Variants in HECA observed in about 807,000 individuals in gnomAD.
HECA encodes headcase protein homolog.
A neutral mutation model predicts 37.6 loss-of-function variants in HECA; 13 were observed. That is an observed-to-expected ratio of 0.35 (90% CI 0.23 to 0.55). HECA has a LOEUF of 0.55. Ranked by LOEUF, HECA falls within the 20% of genes least tolerant of loss-of-function variation. The probability of loss-of-function intolerance (pLI) is 0.90; values close to 1 mark genes in which losing one functional copy is unlikely to be tolerated. For synonymous variants in HECA, 307 were observed against 291.5 expected (o/e 1.05, Z -0.54); for missense variants, 527 against 701.9 (o/e 0.75, Z 2.82).
In HECA at chr6:139,179,708, T is replaced by A. The variant is rs912815690; in HGVS notation, c.*2603T>A. 6.6e-6 allele frequency: 1 copy of A among 152,190 alleles called. No homozygotes were observed. Among genetic ancestry groups the A allele is most frequent in the Non-Finnish European group, 1.5e-5 (1 of 68,026 alleles). 9.4% of individuals were successfully genotyped at this position (152,190 alleles called of 1,614,324 possible). ...ATCTTATTTTGGAAATCTACTGACC[T>A]TAATACCCCAAGCTTGCCCTGAATA... On this transcript the variant is annotated 3_prime_UTR_variant, in exon 4 of 4. Coordinates refer to ENST00000367658, the MANE Select transcript of HECA (RefSeq NM_016217.3).
At chr6:139,139,245 C>G (rs935560295) in intron 1 of HECA, among the ~76,000 whole-genome samples, 7 of 152,182 alleles carry the variant, frequency 4.6e-5, no homozygotes, top group East Asian at 1.9e-4. Flanking sequence ...CAAATCCTGG[C>G]TTCTCAAATT....
chr6:139,168,104 CCAGA>C (rs1376068377), intron 2 of HECA, among the ~76,000 whole-genome samples: 2 of 152,096 alleles, frequency 1.3e-5, no homozygotes, highest in African/African-American at 4.8e-5. Flanking sequence ...GTGTCAGTAC[CCAGA>C]CAAACATTTT....
chr6:139,136,060 A>G (rs1484031371), intron 1 of HECA, among the ~76,000 whole-genome samples: 1 of 152,014 alleles, frequency 6.6e-6, no homozygotes, highest in African/African-American at 2.4e-5. Context: ...GCACCGGTTA[A>G]TTCTTCCCGG....
chr6:139,154,992 G>A lies in HECA; in HGVS notation c.272-11292G>A, dbSNP rs563220464. Among the ~76,000 whole-genome samples, 229 of 152,270 alleles carry A rather than the reference G, an allele frequency of 1.5e-3. 7 individuals carry two copies. The South Asian group carries it at 0.042, about 28-fold the overall frequency. On this transcript the variant is annotated intron_variant, in intron 1 of 3. Transcript: ENST00000367658. The stretch of plus-strand genomic sequence containing the variant: ...TAACAACTGGTTGGACAGTTTCTCC[G>A]CAGTTGTATATATACAGTCATGCAT...
Position 139,166,214 on chromosome 6 carries a change from G to A in HECA, c.272-70G>A, listed in dbSNP as rs1379480638. 6 of 1,239,506 alleles carry A rather than the reference G, an allele frequency of 4.8e-6. No individual in the cohort carries two copies. The South Asian group carries it at 7.2e-5, about 15-fold the overall frequency. The allele number at this position is 1,239,506 out of a possible 1,614,324, so 76.8% of individuals were successfully genotyped here. A position where few individuals can be genotyped will look rare whatever the true frequency, so the allele number is the denominator to read the frequency against. On this transcript the variant is annotated intron_variant, in intron 1 of 3. Coordinates refer to ENST00000367658, the MANE Select transcript of HECA (RefSeq NM_016217.3). ...TCTTAGAAAAACCTTATACCATACT[G>A]TTGCAAGTACAGGTTGAGTACCCCT... is the stretch of plus-strand genomic sequence containing the variant.
intron 1 of HECA, among the ~76,000 whole-genome samples, chr6:139,143,761 T>C (rs1304027745): frequency 6.6e-6 from 1 of 151,082 alleles, no homozygotes; most frequent in Non-Finnish European, 1.5e-5. Flanking sequence ...CTCGGGAGGC[T>C]GAGGCAGGAG....
intron 1 of HECA, among the ~76,000 whole-genome samples, chr6:139,143,716 C>T (rs946340429): frequency 3.3e-5 from 5 of 151,970 alleles, no homozygotes; most frequent in African/African-American, 1.2e-4. Flanking sequence ...GAATAATTAG[C>T]TGGATGTGGT....
At position 139,178,274 on chromosome 6, in the gene HECA, G is replaced by A. The variant is rs1193006983; in HGVS notation, c.*1169G>A. ...CATATATATAGAACTTGATTAGTCAGAGCATTGGGCATTCCAAAATACAGC... is the reference window on the plus strand; with the variant it reads ...CATATATATAGAACTTGATTAGTCAAAGCATTGGGCATTCCAAAATACAGC... On this transcript the variant is annotated 3_prime_UTR_variant, in exon 4 of 4. Transcript: ENST00000367658. 1 of 152,222 alleles carries A rather than the reference G, an allele frequency of 6.6e-6. No individual in the cohort carries two copies. The highest frequency in any genetic ancestry group is 1.5e-5 in the Non-Finnish European group (1 of 68,028). 9.4% of individuals were successfully genotyped at this position (152,222 alleles called of 1,614,324 possible).
chr6:139,158,197 A>T (rs967964208), intron 1 of HECA, among the ~76,000 whole-genome samples: 39 of 151,742 alleles, frequency 2.6e-4, no homozygotes, highest in African/African-American at 8.2e-4. Flanking sequence ...CCTCTACAAA[A>T]TTTTTTTATA....
At chr6:139,136,202 T>C (rs1238710398) in intron 1 of HECA, among the ~76,000 whole-genome samples, 3 of 151,118 alleles carry the variant, frequency 2.0e-5, no homozygotes, top group African/African-American at 4.9e-5. Context: ...GTTTGCTCTT[T>C]AATTTTTTGG....
At chr6:139,142,354 G>A (rs1774524094) in intron 1 of HECA, among the ~76,000 whole-genome samples, 3 of 152,136 alleles carry the variant, frequency 2.0e-5, no homozygotes, top group African/African-American at 7.2e-5. Context: ...TTCTTCCTGT[G>A]GACTTGCTAT....
intron 1 of HECA, among the ~76,000 whole-genome samples, chr6:139,136,727 C>G (rs1475474323): frequency 3.3e-5 from 5 of 151,904 alleles, no homozygotes; most frequent in Admixed American, 3.3e-4. Context: ...CACCGTCTTC[C>G]GGTCTGAAGC....
intron 1 of HECA, among the ~76,000 whole-genome samples, chr6:139,149,612 T>A (rs1386736522): frequency 6.6e-6 from 1 of 152,206 alleles, no homozygotes; most frequent in African/African-American, 2.4e-5. Flanking sequence ...TCCAAATCTG[T>A]ATTCTGCTGC....
At chr6:139,142,335 T>G (rs1299693468) in intron 1 of HECA, among the ~76,000 whole-genome samples, 1 of 152,184 alleles carries the variant, frequency 6.6e-6, no homozygotes, top group African/African-American at 2.4e-5. Flanking sequence ...AGCATGTACT[T>G]AGGAAAAATT....
intron 1 of HECA, among the ~76,000 whole-genome samples, chr6:139,162,382 C>G (rs1774817387): frequency 6.6e-6 from 1 of 152,084 alleles, no homozygotes; most frequent in Non-Finnish European, 1.5e-5. Flanking sequence ...TCTTCTGAAC[C>G]ATTTAAGGTA....
intron 1 of HECA, among the ~76,000 whole-genome samples, chr6:139,140,239 G>C (rs971409014): frequency 2.0e-5 from 3 of 152,180 alleles, no homozygotes; most frequent in Non-Finnish European, 4.4e-5. Context: ...ATGTTTGCTT[G>C]CTGTTTATTT....
Position 139,180,269 on chromosome 6 carries a change from C to G in HECA, c.*3164C>G, listed in dbSNP as rs1353014465. The G allele has an allele frequency of 6.6e-6, 1 of 152,344 alleles. No homozygotes were observed. The highest frequency in any genetic ancestry group is 1.5e-5 in the Non-Finnish European group (1 of 68,036). 9.4% of individuals were successfully genotyped at this position (152,344 alleles called of 1,614,324 possible). A position where few individuals can be genotyped will look rare whatever the true frequency, so the allele number is the denominator to read the frequency against. ...AAGAATCTTATTAGGTATTTGAACT[C>G]TAAAACTAACAGATAAGACAGATAT... is the stretch of plus-strand genomic sequence containing the variant. On this transcript the variant is annotated 3_prime_UTR_variant, in exon 4 of 4. Coordinates refer to ENST00000367658, the MANE Select transcript of HECA (RefSeq NM_016217.3).
chr6:139,157,959 GCCACTT>G (rs1422518600), intron 1 of HECA, among the ~76,000 whole-genome samples: 1 of 152,200 alleles, frequency 6.6e-6, no homozygotes. Context: ...AGGATGGATG[GCCACTT>G]CCTGGTTGTG....
intron 1 of HECA, chr6:139,144,250 G>C (rs953860158): frequency 6.6e-6 from 1 of 152,126 alleles, no homozygotes; most frequent in Non-Finnish European, 1.5e-5. Flanking sequence ...TGACTGAGAA[G>C]TACAATGTTA....
Sources: allele counts gnomAD v4.1 joint callset (sites outside exome capture counted in the v4.1 genomes callset), GRCh38; gene constraint gnomAD v4.1.1; transcripts MANE v1.5; gene names NCBI Gene and HGNC (gene_info 2026-07-23, HGNC 2026-07-21).